Variants in RMND1 observed in about 807,000 individuals in gnomAD.
The protein encoded by RMND1 is required for meiotic nuclear division protein 1 homolog.
RMND1 carries 41 observed loss-of-function variants against 54.0 expected under a neutral mutation model. The observed-to-expected ratio is 0.76, with a 90% CI of 0.59 to 0.98. The LOEUF (loss-of-function observed/expected upper bound fraction) is 0.98. Ranked by LOEUF, RMND1 falls within the 50% of genes least tolerant of loss-of-function variation. The pLI, the probability that RMND1 is intolerant of heterozygous loss-of-function variation, is 0.00. For missense variants in RMND1, 457 were observed against 532.0 expected, an observed-to-expected ratio of 0.86 and a Z score of 1.39; for synonymous variants, 183 against 181.7, an observed-to-expected ratio of 1.01 and a Z score of -0.06.
chr6:151,407,003 A>C (rs1363149104), intron 10 of RMND1, among the ~76,000 whole-genome samples: 1 of 152,056 alleles, frequency 6.6e-6, no homozygotes, highest in Admixed American at 6.6e-5. Flanking sequence ...CTACAAAAAA[A>C]TTAGCCAGGC....
chr6:151,425,425 C>T (rs550150663), intron 6 of RMND1, among the ~76,000 whole-genome samples: 72 of 150,754 alleles, frequency 4.8e-4, no homozygotes, highest in African/African-American at 1.5e-3. Flanking sequence ...TGTACAGTAA[C>T]GTGTGTGTGT....
intron 10 of RMND1, among the ~76,000 whole-genome samples, chr6:151,407,029 T>C (rs1779648868): frequency 6.6e-6 from 1 of 152,050 alleles, no homozygotes; most frequent in Non-Finnish European, 1.5e-5. Flanking sequence ...GGTGTGTGCC[T>C]GTAGTTCTAG....
At chr6:151,449,679 C>CGGTCTCCCTCTGATGCCGA (rs1162167599) in intron 1 of RMND1, among the ~76,000 whole-genome samples, 14 of 152,134 alleles carry the variant, frequency 9.2e-5, no homozygotes, top group Admixed American at 7.9e-4. Flanking sequence ...CCTCTCCCCA[C>CGGTCTCCCTCTGATGCCGA]GGTCTCCCTC....
intron 2 of RMND1, among the ~76,000 whole-genome samples, chr6:151,440,278 T>C (rs1415686755): frequency 6.6e-6 from 1 of 152,116 alleles, no homozygotes; most frequent in Non-Finnish European, 1.5e-5. Flanking sequence ...TAAATCAAGG[T>C]AAAAGGTCAG....
intron 4 of RMND1, among the ~76,000 whole-genome samples, chr6:151,432,609 C>T (rs1237136347): frequency 6.6e-6 from 1 of 152,090 alleles, no homozygotes; most frequent in Non-Finnish European, 1.5e-5. Context: ...GATTATTTCA[C>T]ACGGTTCTAT....
At chr6:151,426,054 TGCCTCC>T (rs200326875) in intron 6 of RMND1, among the ~76,000 whole-genome samples, 5 of 151,516 alleles carry the variant, frequency 3.3e-5, no homozygotes, top group East Asian at 1.9e-4. Flanking sequence ...AGCAATTCTC[TGCCTCC>T]GCCTCCGCCT....
At chr6:151,409,336 T>C (rs979158856) in intron 10 of RMND1, among the ~76,000 whole-genome samples, 4 of 152,134 alleles carry the variant, frequency 2.6e-5, no homozygotes, top group Admixed American at 1.3e-4. Context: ...ACTAAAAAGA[T>C]TGTTTGACTG....
At chr6:151,428,603 C>T (rs1780370962) in intron 5 of RMND1, among the ~76,000 whole-genome samples, 1 of 152,238 alleles carries the variant, frequency 6.6e-6, no homozygotes, top group Non-Finnish European at 1.5e-5. Context: ...GCAATCATAG[C>T]TCATTGCAGC....
At chr6:151,441,276 T>C (rs1780770646) in intron 2 of RMND1, among the ~76,000 whole-genome samples, 1 of 152,228 alleles carries the variant, frequency 6.6e-6, no homozygotes, top group South Asian at 2.1e-4. Flanking sequence ...TCTATAGTGA[T>C]ATAATACATT....
chr6:151,437,474 A>G (rs1486552034), intron 2 of RMND1, among the ~76,000 whole-genome samples: 1 of 152,198 alleles, frequency 6.6e-6, no homozygotes, highest in African/African-American at 2.4e-5. Flanking sequence ...GTTGGTTACA[A>G]TTTTAAAAGA....
In RMND1 at chr6:151,445,468, CCCAACAGA is replaced by C; in HGVS notation, c.336_343del (p.Asn112LysfsTer3). 6.2e-7 allele frequency: 1 copy of C among 1,614,154 alleles called. No individual in the cohort carries two copies. The highest frequency in any genetic ancestry group is 8.5e-7 in the Non-Finnish European group (1 of 1,180,030). ...TAATATTTTTATAAACCATTTAGAA[CCCAACAGA>C]TTTGGTTTGTGGGTCACTCTCCTGT... On this transcript the variant is annotated frameshift_variant, in exon 2 of 12. Transcript: ENST00000444024. LOFTEE classifies it high-confidence loss of function.
chr6:151,445,174 T>G, intron 2 of RMND1, 134 bp downstream of exon 2: 1 of 857,036 alleles, frequency 1.2e-6, no homozygotes, highest in East Asian at 2.7e-5. Flanking sequence ...TTATTAGGCT[T>G]CAAAGACCTT....
intron 3 of RMND1, 51 bp from the exon 4 acceptor site, chr6:151,433,281 T>G: frequency 8.2e-7 from 1 of 1,214,448 alleles, no homozygotes; most frequent in African/African-American, 1.5e-5. Context: ...TAACACAAGT[T>G]GTAAGAGTCA....
At chr6:151,412,938 G>A (rs758421908) in intron 10 of RMND1, among the ~76,000 whole-genome samples, 5 of 152,036 alleles carry the variant, frequency 3.3e-5, no homozygotes, top group Admixed American at 6.6e-5. Context: ...CCTCCAACAC[G>A]GGCATTACCA....
intron 6 of RMND1, among the ~76,000 whole-genome samples, chr6:151,424,219 G>A (rs948402173): frequency 2.0e-5 from 3 of 152,094 alleles, no homozygotes; most frequent in African/African-American, 2.4e-5. Context: ...CCAGCACTCC[G>A]GGAGGCCGAG....
At position 151,433,188 on chromosome 6, in the gene RMND1, T is replaced by C. The variant is rs144788873; in HGVS notation, c.656A>G (p.Lys219Arg). Residue 219 changes from lysine (K) to arginine (R), a missense_variant, in exon 4 of 12, where the codon AAA (lysine) becomes AGA (arginine). Lys to Arg is a conservative substitution (Grantham distance 26). Transcript: ENST00000444024. ...ILVMGVENSA[K>R]EGDPGTIFFF... ...GAATATTGTTCCAGGATCACCTTCTTTTGCAGAATTTTCCACACCCATCAC... is the reference window on the plus strand; with the variant it reads ...GAATATTGTTCCAGGATCACCTTCTCTTGCAGAATTTTCCACACCCATCAC... 3 of 1,612,742 alleles carry C rather than the reference T, an allele frequency of 1.9e-6. No individual in the cohort carries two copies. The highest frequency in any genetic ancestry group is 2.5e-6 in the Non-Finnish European group (3 of 1,179,370).
chr6:151,434,744 T>G (rs908346741), intron 3 of RMND1, among the ~76,000 whole-genome samples: 1 of 152,360 alleles, frequency 6.6e-6, no homozygotes, highest in African/African-American at 2.4e-5. Flanking sequence ...TCCACTGTTA[T>G]AGGAAGGCTT....
At chr6:151,432,216 C>A (rs147806958) in intron 4 of RMND1, among the ~76,000 whole-genome samples, 1 of 152,310 alleles carries the variant, frequency 6.6e-6, no homozygotes, top group African/African-American at 2.4e-5. Flanking sequence ...GGATTACAGG[C>A]ATAAGCCACC....
In RMND1 at chr6:151,404,992, C is replaced by T. The variant is rs1779558275; in HGVS notation, c.*243G>A. ...CAAGAGATTCTCCTGCCTCAGCCTC[C>T]TGAGTAGCTGAGATGACGGGCGTGT... On this transcript the variant is annotated 3_prime_UTR_variant, in exon 12 of 12. Transcript: ENST00000444024. 7.3e-6 allele frequency: 3 copies of T among 409,480 alleles called. No individual in the cohort carries two copies. Among genetic ancestry groups the T allele is most frequent in the Non-Finnish European group, 1.3e-5 (3 of 229,022 alleles). 25.4% of individuals were successfully genotyped at this position (409,480 alleles called of 1,614,324 possible). A position where few individuals can be genotyped will look rare whatever the true frequency, so the allele number is the denominator to read the frequency against.
Sources: allele counts gnomAD v4.1 joint callset (sites outside exome capture counted in the v4.1 genomes callset), GRCh38; gene constraint gnomAD v4.1.1; transcripts MANE v1.5; gene names NCBI Gene and HGNC (gene_info 2026-07-23, HGNC 2026-07-21).